STK11: variants seen among roughly 807,000 people sequenced by gnomAD.
The protein encoded by STK11 is serine/threonine kinase 11, also known as serine/threonine-protein kinase STK11.
In STK11, 8 loss-of-function variants were observed where a neutral mutation model predicts 47.3. The observed-to-expected ratio is 0.17, with a 90% CI of 0.10 to 0.31. STK11 has a LOEUF of 0.31. Ranked by LOEUF, STK11 falls within the 10% of genes least tolerant of loss-of-function variation. STK11 has a pLI of 1.00. For synonymous variants in STK11, 330 were observed against 255.8 expected (o/e 1.29, Z -2.77); for missense variants, 475 against 605.0 (o/e 0.79, Z 2.25).
intron 2 of STK11, 69 bp downstream of exon 2, chr19:1,218,569 C>G: frequency 1.5e-6 from 2 of 1,323,474 alleles, no homozygotes; most frequent in East Asian, 2.3e-5. Context: ...CCGCCTGCCT[C>G]GAGGCCTGCT....
rs786202471 is a variant in STK11, at chr19:1,223,084, C to T, written c.1020C>T (p.Tyr340=). The part of the protein sequence containing the change: ...DRWRSMTVVP[Y]LEDLHGADED... ...GGCGCAGCATGACTGTGGTGCCGTA[C>T]TTGGAGGACCTGCACGGCGCGGACG... The change falls in exon 8 of 10, where the codon TAC becomes TAT. Residue 340 remains tyrosine, a synonymous_variant. Coordinates refer to ENST00000326873, the MANE Select transcript of STK11 (RefSeq NM_000455.5). 3.1e-6 allele frequency: 5 copies of T among 1,609,848 alleles called. No individual in the cohort carries two copies. The African/African-American group carries it at 6.7e-5, about 22-fold the overall frequency.
rs71174355 is a variant in STK11 at position 1,208,607 on chromosome 19, C to CTTTTTTT, written c.290+1425_290+1431dup. ...ACAGGCGTGAGTCAACGCGTGCGGC[C>CTTTTTTT]TTTTTTTTTTTTTTTTTTTTTTTTT... On this transcript the variant is annotated intron_variant, in intron 1 of 9. Coordinates refer to ENST00000326873, the MANE Select transcript of STK11 (RefSeq NM_000455.5). Among the ~76,000 whole-genome samples the CTTTTTTT allele has an allele frequency of 5.3e-4, 20 of 37,788 alleles. 8 individuals carry two copies. Among genetic ancestry groups the CTTTTTTT allele is most frequent in the African/African-American group, 2.3e-3 (19 of 8,392 alleles). 24.8% of individuals were successfully genotyped at this position (37,788 alleles called of 152,430 possible). A position where few individuals can be genotyped will look rare whatever the true frequency, so the allele number is the denominator to read the frequency against.
rs1260701460 is a variant in STK11 at position 1,227,738 on chromosome 19, G to A, written c.*162G>A. ...GGAGCGCCCTGCAGGGCCGGGCAGG[G>A]GGACAGCAGGGACCGGGCGCAGCCC... On this transcript the variant is annotated 3_prime_UTR_variant, in exon 10 of 10. Coordinates refer to ENST00000326873, the MANE Select transcript of STK11 (RefSeq NM_000455.5). 8 of 1,072,204 alleles carry A rather than the reference G, an allele frequency of 7.5e-6. No homozygotes were observed. In the Admixed American group the frequency reaches 2.7e-4, roughly 36 times the overall value. 66.4% of individuals were successfully genotyped at this position (1,072,204 alleles called of 1,614,324 possible). A position where few individuals can be genotyped will look rare whatever the true frequency, so the allele number is the denominator to read the frequency against.
chr19:1,223,807 C>G (rs1392564904), intron 8 of STK11: 2 of 1,033,442 alleles, frequency 1.9e-6, no homozygotes, highest in African/African-American at 1.7e-5. Flanking sequence ...CAGCCCCTCC[C>G]CGCCATGCTC....
Position 1,206,919 on chromosome 19 carries a change from G to A in STK11, c.6G>A (p.Glu2=), listed in dbSNP as rs1271482574. ...TCCAGGACCCTGGGTCCAGCATGGA[G>A]GTGGTGGACCCGCAGCAGCTGGGCA... M[E]VVDPQQLGMF... Residue 2 remains glutamate (E), a synonymous_variant, in exon 1 of 10, where the codon GAG becomes GAA. Coordinates refer to ENST00000326873, the MANE Select transcript of STK11 (RefSeq NM_000455.5). The A allele has an allele frequency of 6.3e-7, 1 of 1,580,860 alleles. No individual in the cohort carries two copies. The highest frequency in any genetic ancestry group is 2.3e-5 in the East Asian group (1 of 43,022).
At chr19:1,222,405 C>T (rs967332447) in intron 7 of STK11, among the ~76,000 whole-genome samples, 1 of 152,158 alleles carries the variant, frequency 6.6e-6, no homozygotes, top group South Asian at 2.1e-4. Flanking sequence ...GAGCAGCGGA[C>T]GGGGTCAGCA....
At chr19:1,217,857 A>G (rs1488390102) in intron 1 of STK11, among the ~76,000 whole-genome samples, 1 of 152,200 alleles carries the variant, frequency 6.6e-6, no homozygotes, top group Non-Finnish European at 1.5e-5. Flanking sequence ...GTTTCTAGGA[A>G]GCAAAACTGT....
At chr19:1,209,207 A>G (rs1329195313) in intron 1 of STK11, among the ~76,000 whole-genome samples, 1 of 105,290 alleles carries the variant, frequency 9.5e-6, no homozygotes, top group Non-Finnish European at 2.2e-5. Context: ...TGGGTTGGTC[A>G]GGGGCTAGGC....
chr19:1,219,498 GT>G (rs2080767339), intron 3 of STK11, 85 bp downstream of exon 3: 2 of 1,393,742 alleles, frequency 1.4e-6, no homozygotes, highest in African/African-American at 1.5e-5. Context: ...CACACTGCTT[GT>G]CCTGATATTC....
chr19:1,216,828 C>G (rs1021550063), intron 1 of STK11, among the ~76,000 whole-genome samples: 2 of 141,856 alleles, frequency 1.4e-5, no homozygotes, highest in African/African-American at 5.0e-5. Flanking sequence ...CAGGGAAACC[C>G]TGTCTCAAAA....
rs747563720 is a variant in STK11, at chr19:1,220,561, G to A, written c.598-20G>A. 6.3e-7 allele frequency: 1 copy of A among 1,575,502 alleles called. No individual in the cohort carries two copies. The highest frequency in any genetic ancestry group is 8.6e-7 in the Non-Finnish European group (1 of 1,158,650). ...GCCCCCTCCCGGGCACTCCCTGAGG[G>A]CTGCACGGCACCGCCACAGGCACTG... On this transcript the variant is annotated intron_variant, in intron 4 of 9. Transcript: ENST00000326873.
intron 5 of STK11, 72 bp downstream of exon 5, chr19:1,220,789 C>T (rs1402774808): frequency 9.1e-6 from 14 of 1,534,900 alleles, no homozygotes; most frequent in South Asian, 4.9e-5. Flanking sequence ...GGGCAGCTGC[C>T]GGCCTGTGGG....
intron 1 of STK11, among the ~76,000 whole-genome samples, chr19:1,211,970 T>C (rs1171569331): frequency 1.3e-5 from 2 of 152,206 alleles, no homozygotes; most frequent in Non-Finnish European, 1.5e-5. Flanking sequence ...GGCCTGGGTG[T>C]CCTCGAGGCC....
In STK11 at chr19:1,228,288, G is replaced by A. The variant is rs1056060858; in HGVS notation, c.*712G>A. The A allele has an allele frequency of 5.9e-5, 17 of 287,338 alleles. No individual in the cohort carries two copies. Among genetic ancestry groups the A allele is most frequent in the Non-Finnish European group, 8.9e-5 (15 of 167,910 alleles). 17.8% of individuals were successfully genotyped at this position (287,338 alleles called of 1,614,324 possible). ...GAGAAAACCCGGAGCAAGCAGGAGT[G>A]TGCGGTCAATATTTATATCATCCAG... On this transcript the variant is annotated 3_prime_UTR_variant, in exon 10 of 10. Transcript: ENST00000326873.
At position 1,206,086 on chromosome 19, in the gene STK11, T is replaced by C. The variant is rs2080662303; in HGVS notation, c.-828T>C. ...CCGCGCCGCCCCGCGGACCGGACGC[T>C]GAGGGCACTCGGGGCGGGGCGCGCG... On this transcript the variant is annotated 5_prime_UTR_variant, in exon 1 of 10. Transcript: ENST00000326873. The C allele has an allele frequency of 1.4e-5, 2 of 145,294 alleles. No individual in the cohort carries two copies. 9.0% of individuals were successfully genotyped at this position (145,294 alleles called of 1,614,324 possible). A position where few individuals can be genotyped will look rare whatever the true frequency, so the allele number is the denominator to read the frequency against.
chr19:1,208,371 G>C (rs1390760310), intron 1 of STK11, among the ~76,000 whole-genome samples: 2 of 149,536 alleles, frequency 1.3e-5, no homozygotes, highest in African/African-American at 4.9e-5. Context: ...GCAGTGGCGC[G>C]AACTGGGCTC....
Position 1,218,512 on chromosome 19 carries a change from G to A in STK11, c.374+12G>A, listed in dbSNP as rs568625247. On this transcript the variant is annotated intron_variant, in intron 2 of 9. Coordinates refer to ENST00000326873, the MANE Select transcript of STK11 (RefSeq NM_000455.5). Reference sequence around the variant, plus strand: ...GAGAAGCAGAAAATATATCCTTTCCGGTGTTGGGACCGCGGGGCCTCCGTG... The same window carrying A: ...GAGAAGCAGAAAATATATCCTTTCCAGTGTTGGGACCGCGGGGCCTCCGTG... The A allele has an allele frequency of 4.3e-6, 7 of 1,612,248 alleles. No homozygotes were observed. Among genetic ancestry groups the A allele is most frequent in the Admixed American group, 3.3e-5 (2 of 59,998 alleles).
Position 1,206,853 on chromosome 19 carries a change from G to GA in STK11, c.-59dup. ...TGGAGAAGGGAAGTCGGAACACAAG[G>GA]AAGGACCGCTCACCCGCGGACTCAG... On this transcript the variant is annotated 5_prime_UTR_variant, in exon 1 of 10. Transcript: ENST00000326873. The GA allele has an allele frequency of 9.2e-6, 14 of 1,516,016 alleles. No individual in the cohort carries two copies. Among genetic ancestry groups the GA allele is most frequent in the Non-Finnish European group, 1.2e-5 (14 of 1,124,184 alleles). The allele number at this position is 1,516,016 out of a possible 1,614,324, so 93.9% of individuals were successfully genotyped here. A position where few individuals can be genotyped will look rare whatever the true frequency, so the allele number is the denominator to read the frequency against.
chr19:1,224,936 T>C (rs12985504), intron 8 of STK11: 199,338 of 985,276 alleles, frequency 0.2, 20,991 homozygotes, highest in East Asian at 0.32. Flanking sequence ...CCCCCTTGCG[T>C]TGGGGCAGGA....
Sources: gnomAD v4.1 joint callset for allele counts (sites outside exome capture counted in the v4.1 genomes callset) on GRCh38, gnomAD v4.1.1 for gene constraint, MANE v1.5 for transcripts, NCBI Gene and HGNC (gene_info 2026-07-23, HGNC 2026-07-21) for gene names.